Variants in DAPK1 observed in about 807,000 individuals in gnomAD.
The protein encoded by DAPK1 is death-associated protein kinase 1.
A neutral mutation model predicts 144.9 loss-of-function variants in DAPK1; 56 were observed. The ratio of observed to expected loss-of-function variants is 0.39; its 90% CI spans 0.31 to 0.48. The LOEUF is 0.48. DAPK1 is among the 20% of genes least tolerant of loss of function. The probability of loss-of-function intolerance (pLI) is 0.95; values close to 1 mark genes in which losing one functional copy is unlikely to be tolerated. For missense variants in DAPK1, 1,454 were observed against 1,875.4 expected, an observed-to-expected ratio of 0.78 and a Z score of 4.15; for synonymous variants, 690 against 749.0, an observed-to-expected ratio of 0.92 and a Z score of 1.29.
chr9:87,707,479 G>A lies in DAPK1; in HGVS notation c.*115G>A. 1 of 680,322 alleles carries A rather than the reference G, an allele frequency of 1.5e-6. No individual in the cohort carries two copies. Among genetic ancestry groups the A allele is most frequent in the South Asian group, 1.9e-5 (1 of 52,238 alleles). 42.1% of individuals were successfully genotyped at this position (680,322 alleles called of 1,614,324 possible). On this transcript the variant is annotated 3_prime_UTR_variant, in exon 26 of 26. Transcript: ENST00000408954. The surrounding 1 kb of genome is among the most constrained non-coding windows in gnomAD (Gnocchi z 4.0). ...GTTTCTTCCTGCACCCACAGCCAGG[G>A]GGATGCCACTCCTCCCTCCGGCTTG...
At chr9:87,543,357 A>C (rs1487102404) in intron 2 of DAPK1, among the ~76,000 whole-genome samples, 1 of 152,220 alleles carries the variant, frequency 6.6e-6, no homozygotes, top group Non-Finnish European at 1.5e-5. Context: ...ATCACTTACA[A>C]ATGAACACTT....
chr9:87,509,614 C>T (rs957599069), intron 2 of DAPK1, among the ~76,000 whole-genome samples: 3 of 152,196 alleles, frequency 2.0e-5, no homozygotes, highest in African/African-American at 7.2e-5. Flanking sequence ...CCCGCCTCGG[C>T]CCCCCACAAT....
At chr9:87,564,316 A>C (rs1827036850) in intron 2 of DAPK1, among the ~76,000 whole-genome samples, 1 of 152,202 alleles carries the variant, frequency 6.6e-6, no homozygotes, top group Non-Finnish European at 1.5e-5. Context: ...ATGGCTGACC[A>C]GTCCTGGCTG....
chr9:87,637,795 C>A, intron 3 of DAPK1, 148 bp from the exon 4 acceptor site: 1 of 859,180 alleles, frequency 1.2e-6, no homozygotes, highest in Non-Finnish European at 1.7e-6. Flanking sequence ...ACAACCTGCA[C>A]AGAGAATTCT....
At chr9:87,502,237 G>C (rs1824432189) in intron 2 of DAPK1, among the ~76,000 whole-genome samples, 1 of 151,916 alleles carries the variant, frequency 6.6e-6, no homozygotes, top group Non-Finnish European at 1.5e-5. Context: ...CTGGCCTTGA[G>C]CTGGCACACC....
intron 2 of DAPK1, among the ~76,000 whole-genome samples, chr9:87,523,710 T>C (rs1392628113): frequency 6.6e-6 from 1 of 152,084 alleles, no homozygotes; most frequent in Non-Finnish European, 1.5e-5. Flanking sequence ...TCGTGTGAAG[T>C]GTGAAGTATG....
intron 2 of DAPK1, among the ~76,000 whole-genome samples, chr9:87,599,177 C>T (rs966475037): frequency 2.0e-5 from 3 of 152,248 alleles, no homozygotes; most frequent in African/African-American, 7.2e-5. Context: ...GCTTTGGAGG[C>T]GAATACACTT....
chr9:87,633,223 G>A, intron 3 of DAPK1: 1 of 984,402 alleles, frequency 1.0e-6, no homozygotes. Flanking sequence ...GAGTACATAT[G>A]TAGGGATGAA....
At chr9:87,537,361 C>A (rs1825894955) in intron 2 of DAPK1, among the ~76,000 whole-genome samples, 1 of 152,128 alleles carries the variant, frequency 6.6e-6, no homozygotes, top group Admixed American at 6.5e-5. Flanking sequence ...TGTACGCAGT[C>A]AGCCAGCTCT....
chr9:87,662,328 T>A (rs1830878225), intron 18 of DAPK1, among the ~76,000 whole-genome samples: 1 of 152,194 alleles, frequency 6.6e-6, no homozygotes. Flanking sequence ...TCATATGAAC[T>A]TTAGAGTTGT....
chr9:87,542,725 A>G (rs1826099852), intron 2 of DAPK1, among the ~76,000 whole-genome samples: 1 of 152,220 alleles, frequency 6.6e-6, no homozygotes, highest in African/African-American at 2.4e-5. Flanking sequence ...ACAAACGGCC[A>G]GTGAGAAGGG....
chr9:87,694,251 A>G (rs1825179827), intron 21 of DAPK1, among the ~76,000 whole-genome samples: 1 of 152,080 alleles, frequency 6.6e-6, no homozygotes, highest in Non-Finnish European at 1.5e-5. Flanking sequence ...CAGGTGGCAT[A>G]TACAGGTGAG....
intron 3 of DAPK1, among the ~76,000 whole-genome samples, chr9:87,621,214 G>A (rs574683431): frequency 1.3e-5 from 2 of 152,312 alleles, no homozygotes; most frequent in South Asian, 4.1e-4. Context: ...TGAGTGCTGG[G>A]GTAAATGGCT....
intron 2 of DAPK1, among the ~76,000 whole-genome samples, chr9:87,561,386 C>T (rs1033186812): frequency 3.9e-5 from 6 of 152,084 alleles, no homozygotes; most frequent in Admixed American, 6.5e-5. Flanking sequence ...ATTAGCCGGG[C>T]GTTGTGGCGG....
intron 25 of DAPK1, among the ~76,000 whole-genome samples, chr9:87,703,583 T>C (rs1825533155): frequency 6.6e-6 from 1 of 152,104 alleles, no homozygotes; most frequent in Non-Finnish European, 1.5e-5. Context: ...TGTATCAGCG[T>C]GGAGTCATCA....
intron 2 of DAPK1, among the ~76,000 whole-genome samples, chr9:87,518,871 A>G (rs1278164045): frequency 6.7e-6 from 1 of 149,160 alleles, no homozygotes; most frequent in Admixed American, 6.8e-5. Flanking sequence ...AAAATCAGCC[A>G]CCCCTTCAAA....
At position 87,686,505 on chromosome 9, in the gene DAPK1, C is replaced by A; in HGVS notation, c.2225-46C>A. Reference sequence around the variant, plus strand: ...GGCCAGCCTGGGAGGGAGACAGGCACACGCTGCCCCCATCGAGTACTCATG... The same window carrying A: ...GGCCAGCCTGGGAGGGAGACAGGCAAACGCTGCCCCCATCGAGTACTCATG... On this transcript the variant is annotated intron_variant, in intron 20 of 25. Coordinates refer to ENST00000408954, the MANE Select transcript of DAPK1 (RefSeq NM_004938.4). This position sits in a 1 kb window ranked among gnomAD's most constrained non-coding sequence, Gnocchi z 4.2. 1 of 1,108,602 alleles carries A rather than the reference C, an allele frequency of 9.0e-7. No homozygotes were observed. The highest frequency in any genetic ancestry group is 1.3e-6 in the Non-Finnish European group (1 of 748,126). 68.7% of individuals were successfully genotyped at this position (1,108,602 alleles called of 1,614,324 possible).
At chr9:87,671,256 G>A (rs1824135126) in intron 19 of DAPK1, among the ~76,000 whole-genome samples, 1 of 152,140 alleles carries the variant, frequency 6.6e-6, no homozygotes, top group Non-Finnish European at 1.5e-5. Context: ...CTCTCACCCT[G>A]TCTCAGTTTG....
intron 2 of DAPK1, among the ~76,000 whole-genome samples, chr9:87,525,878 T>C (rs556388737): frequency 6.6e-6 from 1 of 152,336 alleles, no homozygotes; most frequent in Non-Finnish European, 1.5e-5. Flanking sequence ...AGTTGAGCTA[T>C]AGGCCTGCAG....
Sources: gnomAD v4.1 joint callset for allele counts (sites outside exome capture counted in the v4.1 genomes callset) on GRCh38, gnomAD v4.1.1 for gene constraint, Gnocchi (gnomAD v3.1) non-coding constraint, MANE v1.5 for transcripts, NCBI Gene and HGNC (gene_info 2026-07-23, HGNC 2026-07-21) for gene names.